Variants in NOL10 observed in about 807,000 individuals in gnomAD.
NOL10 encodes the protein nucleolar protein 10.
In NOL10, 58 loss-of-function variants were observed where a neutral mutation model predicts 103.5. The observed-to-expected ratio is 0.56, with a 90% CI of 0.45 to 0.70. The LOEUF (loss-of-function observed/expected upper bound fraction) is 0.70, where lower values mean the gene tolerates loss of function less well. Among genes scored for constraint, NOL10 ranks in the 30% least tolerant of loss-of-function variants. NOL10 has a pLI of 0.00. For missense variants in NOL10, 763 were observed against 807.3 expected, an observed-to-expected ratio of 0.95 and a Z score of 0.67; for synonymous variants, 287 against 282.5, an observed-to-expected ratio of 1.02 and a Z score of -0.16.
At chr2:10,572,273 AC>A in intron 20 of NOL10, 83 bp from the exon 21 acceptor site, 1 of 1,430,926 alleles carries the variant, frequency 7.0e-7, no homozygotes, top group Non-Finnish European at 9.7e-7. Flanking sequence ...TGCCAACAGT[AC>A]CACCACCAAT....
chr2:10,678,617 T>C (rs1475584358), intron 3 of NOL10, among the ~76,000 whole-genome samples: 1 of 152,114 alleles, frequency 6.6e-6, no homozygotes, highest in African/African-American at 2.4e-5. Flanking sequence ...CTGAGTTCAT[T>C]CCCTTAGATA....
intron 17 of NOL10, among the ~76,000 whole-genome samples, chr2:10,591,901 G>T (rs1314082171): frequency 6.6e-6 from 1 of 152,144 alleles, no homozygotes; most frequent in Admixed American, 6.5e-5. Context: ...TACTTGGAAG[G>T]CTGAGGTAGG....
intron 1 of NOL10, among the ~76,000 whole-genome samples, chr2:10,685,862 G>A (rs974226877): frequency 4.3e-5 from 5 of 117,074 alleles, no homozygotes; most frequent in African/African-American, 1.0e-4. Context: ...CCAGGAGTTC[G>A]AGACCAGCCT....
chr2:10,624,219 C>G (rs1291389528), intron 13 of NOL10, among the ~76,000 whole-genome samples: 1 of 149,208 alleles, frequency 6.7e-6, no homozygotes, highest in Non-Finnish European at 1.5e-5. Context: ...GTGTTTCTTG[C>G]AGAAGGGGAT....
At chr2:10,643,005 A>G (rs1391888460) in intron 13 of NOL10, among the ~76,000 whole-genome samples, 1 of 152,210 alleles carries the variant, frequency 6.6e-6, no homozygotes, top group Non-Finnish European at 1.5e-5. Flanking sequence ...CCCAACACAC[A>G]GTTGATGTAG....
At chr2:10,615,263 A>G (rs1676772255) in intron 13 of NOL10, among the ~76,000 whole-genome samples, 1 of 152,256 alleles carries the variant, frequency 6.6e-6, no homozygotes, top group South Asian at 2.1e-4. Context: ...TTTAAAAAAG[A>G]AAAACTATTA....
chr2:10,620,521 A>C (rs1343619699), intron 13 of NOL10, among the ~76,000 whole-genome samples: 1 of 152,246 alleles, frequency 6.6e-6, no homozygotes, highest in Non-Finnish European at 1.5e-5. Context: ...CATACAAAAT[A>C]AGATTTCCCA....
In NOL10 at chr2:10,611,987, C is replaced by T. The variant is rs186462945; in HGVS notation, c.1027-4676G>A. On this transcript the variant is annotated intron_variant, in intron 13 of 20. Coordinates refer to ENST00000381685, the MANE Select transcript of NOL10 (RefSeq NM_024894.4). ...TGTTAAAATTAGCTGGGCATGATGG[C>T]ATGTACCTGTAGTCCCAAATATTAT... 3.1e-3 allele frequency among the ~76,000 whole-genome samples: 467 copies of T among 152,040 alleles called. 2 individuals carry two copies. The highest frequency in any genetic ancestry group is 0.011 in the African/African-American group (451 of 41,500).
At chr2:10,645,221 C>G (rs935127523) in intron 12 of NOL10, among the ~76,000 whole-genome samples, 2 of 152,146 alleles carry the variant, frequency 1.3e-5, no homozygotes, top group Non-Finnish European at 2.9e-5. Flanking sequence ...TAAAGTCAAA[C>G]TCAAGAGCGC....
chr2:10,576,574 C>T (rs1404970804), intron 20 of NOL10, among the ~76,000 whole-genome samples: 4 of 152,172 alleles, frequency 2.6e-5, no homozygotes, highest in Non-Finnish European at 5.9e-5. Flanking sequence ...AATGAATAAA[C>T]CTTGAAAACA....
chr2:10,652,169 G>C lies in NOL10; in HGVS notation c.973+2312C>G, dbSNP rs573606294. ...GCAGGAGAATCGCTTGAATCCGGGA[G>C]GGGGAGGTTGAAGTGAGCTGAGATT... On this transcript the variant is annotated intron_variant, in intron 12 of 20. Transcript: ENST00000381685. Among the ~76,000 whole-genome samples, 172 of 152,084 alleles carry C rather than the reference G, an allele frequency of 1.1e-3. 1 individual carries two copies. The highest frequency in any genetic ancestry group is 4.1e-3 in the African/African-American group (168 of 41,468).
At position 10,637,265 on chromosome 2, in the gene NOL10, A is replaced by C. The variant is rs529045379; in HGVS notation, c.1026+7055T>G. On this transcript the variant is annotated intron_variant, in intron 13 of 20. Coordinates refer to ENST00000381685, the MANE Select transcript of NOL10 (RefSeq NM_024894.4). Reference sequence around the variant, plus strand: ...CCTTACAGAAAAAAACCTGAGAAAAAGACTATAATATCTATTTGTATTTCT... The same window carrying C: ...CCTTACAGAAAAAAACCTGAGAAAACGACTATAATATCTATTTGTATTTCT... 6.8e-4 allele frequency among the ~76,000 whole-genome samples: 103 copies of C among 152,054 alleles called. 1 individual carries two copies. The highest frequency in any genetic ancestry group is 2.4e-3 in the African/African-American group (99 of 41,500).
In NOL10 at chr2:10,587,160, C is replaced by CATATATACACAT. The variant is rs1479986060; in HGVS notation, c.1844+1871_1844+1882dup. 1.1e-3 allele frequency among the ~76,000 whole-genome samples: 24 copies of CATATATACACAT among 22,684 alleles called. 3 individuals are homozygous for CATATATACACAT. The highest frequency in any genetic ancestry group is 9.1e-3 in the East Asian group (9 of 990). 14.9% of individuals were successfully genotyped at this position (22,684 alleles called of 152,430 possible). ...ATACACATATATATACATATATACA[C>CATATATACACAT]ATATATACACATATATATACACATA... On this transcript the variant is annotated intron_variant, in intron 19 of 20. Coordinates refer to ENST00000381685, the MANE Select transcript of NOL10 (RefSeq NM_024894.4).
intron 3 of NOL10, among the ~76,000 whole-genome samples, chr2:10,679,049 C>T (rs183657615): frequency 6.6e-6 from 1 of 151,850 alleles, no homozygotes; most frequent in Non-Finnish European, 1.5e-5. Flanking sequence ...ATACTGAGAC[C>T]CCATCTCCAT....
chr2:10,677,512 C>G (rs1159583722), intron 3 of NOL10, among the ~76,000 whole-genome samples: 1 of 149,950 alleles, frequency 6.7e-6, no homozygotes, highest in Non-Finnish European at 1.5e-5. Flanking sequence ...ACTCTGTCAA[C>G]CAGGCTGGAG....
At chr2:10,673,455 T>C in intron 5 of NOL10, 65 bp downstream of exon 5, 1 of 996,122 alleles carries the variant, frequency 1.0e-6, no homozygotes, top group Non-Finnish European at 1.4e-6. Context: ...TGCTTATCAT[T>C]AAAATAAATT....
chr2:10,644,067 T>C (rs986310557), intron 13 of NOL10, among the ~76,000 whole-genome samples: 4 of 152,116 alleles, frequency 2.6e-5, no homozygotes, highest in Non-Finnish European at 5.9e-5. Flanking sequence ...CCAGCCAACA[T>C]GGCAAAACCC....
chr2:10,610,177 A>G (rs728282), intron 13 of NOL10, among the ~76,000 whole-genome samples: 90,011 of 152,076 alleles, frequency 0.59, 27,654 homozygotes, highest in African/African-American at 0.74. Flanking sequence ...GAACCTCAAA[A>G]TAAATTGTTC....
chr2:10,596,992 T>C (rs1057265194), intron 17 of NOL10, among the ~76,000 whole-genome samples: 2 of 152,058 alleles, frequency 1.3e-5, no homozygotes, highest in African/African-American at 4.8e-5. Flanking sequence ...TTTAAAGAGA[T>C]GCTGTCTTGC....
Sources: gnomAD v4.1 joint callset for allele counts (sites outside exome capture counted in the v4.1 genomes callset) on GRCh38, gnomAD v4.1.1 for gene constraint, MANE v1.5 for transcripts, NCBI Gene and HGNC (gene_info 2026-07-23, HGNC 2026-07-21) for gene names.